The following ZNF277 variants were observed in gnomAD, a reference collection of about 807,000 sequenced individuals.
ZNF277 encodes the protein zinc finger protein 277.
A neutral mutation model predicts 60.7 loss-of-function variants in ZNF277; 55 were observed. That is an observed-to-expected ratio of 0.91 (90% CI 0.73 to 1.13). ZNF277 has a LOEUF of 1.13. Among genes scored for constraint, ZNF277 ranks in the 50% most tolerant of loss-of-function variants. The pLI, the probability that ZNF277 is intolerant of heterozygous loss-of-function variation, is 0.00. For synonymous variants in ZNF277, 178 were observed against 179.3 expected (o/e 0.99, Z 0.06); for missense variants, 510 against 523.0 (o/e 0.98, Z 0.24).
At chr7:112,268,018 T>C (rs1306883140) in intron 1 of ZNF277, among the ~76,000 whole-genome samples, 1 of 152,184 alleles carries the variant, frequency 6.6e-6, no homozygotes, top group African/African-American at 2.4e-5. Context: ...TGTGTGCCTA[T>C]TCTAGAAAGT....
intron 1 of ZNF277, among the ~76,000 whole-genome samples, chr7:112,248,083 T>C (rs184144971): frequency 6.6e-6 from 1 of 152,288 alleles, no homozygotes; most frequent in Admixed American, 6.5e-5. Flanking sequence ...GTAAATGATG[T>C]AGAAGTTTAA....
intron 7 of ZNF277, 143 bp downstream of exon 7, chr7:112,330,359 G>A (rs1793198311): frequency 1.3e-6 from 1 of 744,106 alleles, no homozygotes. Flanking sequence ...GATTAGCTTT[G>A]AAATGGTTAG....
chr7:112,206,919 G>T, intron 1 of ZNF277, 112 bp downstream of exon 1: 4 of 1,038,420 alleles, frequency 3.9e-6, no homozygotes, highest in Non-Finnish European at 5.4e-6. Flanking sequence ...GGGCCACCTG[G>T]GTTCGACTGG....
intron 1 of ZNF277, among the ~76,000 whole-genome samples, chr7:112,273,283 A>G (rs1056136299): frequency 5.9e-5 from 9 of 152,126 alleles, no homozygotes; most frequent in Non-Finnish European, 8.8e-5. Context: ...TGCTCTCTCC[A>G]TGTGCACCTG....
At chr7:112,274,764 C>T (rs1791755348) in intron 1 of ZNF277, among the ~76,000 whole-genome samples, 1 of 152,122 alleles carries the variant, frequency 6.6e-6, no homozygotes, top group African/African-American at 2.4e-5. Flanking sequence ...AATACTCTGT[C>T]ATATCAAATG....
chr7:112,273,360 C>T (rs111805360), intron 1 of ZNF277, among the ~76,000 whole-genome samples: 67 of 152,270 alleles, frequency 4.4e-4, no homozygotes, highest in Non-Finnish European at 9.1e-4. Context: ...CAAAGTCGCA[C>T]AATCACTGCA....
intron 1 of ZNF277, among the ~76,000 whole-genome samples, chr7:112,251,371 T>C (rs1791196854): frequency 6.6e-6 from 1 of 152,220 alleles, no homozygotes; most frequent in African/African-American, 2.4e-5. Context: ...TTTTATATAA[T>C]GGGATTTTAT....
chr7:112,343,498 G>C lies in ZNF277; in HGVS notation c.*769G>C, dbSNP rs1466293211. Among the ~76,000 whole-genome samples, 2 of 152,090 alleles carry C rather than the reference G, an allele frequency of 1.3e-5. No individual in the cohort carries two copies. The highest frequency in any genetic ancestry group is 2.9e-5 in the Non-Finnish European group (2 of 68,022). On this transcript the variant is annotated 3_prime_UTR_variant, in exon 12 of 12. Coordinates refer to ENST00000361822, the MANE Select transcript of ZNF277 (RefSeq NM_021994.3). ...TTTTCCCACTTGTCTCAAAATGTAT[G>C]TTTACAATATTATCAGTTTCATTAC...
intron 1 of ZNF277, among the ~76,000 whole-genome samples, chr7:112,243,886 A>T (rs1353045988): frequency 6.6e-6 from 1 of 152,124 alleles, no homozygotes; most frequent in Non-Finnish European, 1.5e-5. Context: ...ATAGCAAAGC[A>T]TTGGAATAAA....
At chr7:112,210,979 G>A (rs1402908418) in intron 1 of ZNF277, among the ~76,000 whole-genome samples, 1 of 152,190 alleles carries the variant, frequency 6.6e-6, no homozygotes, top group Non-Finnish European at 1.5e-5. Context: ...TTGTGACTGA[G>A]GCTATTTCTT....
At chr7:112,297,384 A>C (rs945676587) in intron 4 of ZNF277, among the ~76,000 whole-genome samples, 9 of 152,016 alleles carry the variant, frequency 5.9e-5, no homozygotes, top group Non-Finnish European at 1.3e-4. Context: ...TCTTTCTTTT[A>C]TCTTTGGACT....
chr7:112,248,196 T>G (rs1313983461), intron 1 of ZNF277, among the ~76,000 whole-genome samples: 1 of 152,018 alleles, frequency 6.6e-6, no homozygotes. Context: ...TTTAATGTAT[T>G]TCCAAGATGA....
chr7:112,315,966 A>G (rs1792835905), intron 4 of ZNF277, among the ~76,000 whole-genome samples: 1 of 152,128 alleles, frequency 6.6e-6, no homozygotes, highest in African/African-American at 2.4e-5. Flanking sequence ...CTAAATAAGA[A>G]GGTCATTGTT....
intron 1 of ZNF277, among the ~76,000 whole-genome samples, chr7:112,235,849 C>G (rs745698168): frequency 1.3e-5 from 2 of 151,820 alleles, no homozygotes; most frequent in Non-Finnish European, 2.9e-5. Context: ...AAAGCTCTGC[C>G]TAATCCAAGG....
rs67934905 is a variant in ZNF277 at position 112,232,042 on chromosome 7, C to CATATATAT, written c.91+25270_91+25277dup. On this transcript the variant is annotated intron_variant, in intron 1 of 11. Transcript: ENST00000361822. ...GAACTGCCCCTAAAATAAATAAATA[C>CATATATAT]ATATATATATATATATATATATATA... Among the ~76,000 whole-genome samples the CATATATAT allele has an allele frequency of 4.2e-3, 564 of 132,956 alleles. 9 individuals are homozygous for CATATATAT. Among genetic ancestry groups the CATATATAT allele is most frequent in the African/African-American group, 0.011 (336 of 31,288 alleles). The allele number at this position is 132,956 out of a possible 152,430, so 87.2% of individuals were successfully genotyped here.
Position 112,343,565 on chromosome 7 carries a change from G to A in ZNF277, c.*836G>A, listed in dbSNP as rs1489588236. ...CCTCCTGATAAGATGTACTGAGGAG[G>A]ACAGAATATCACTTTTGTAGATTTA... On this transcript the variant is annotated 3_prime_UTR_variant, in exon 12 of 12. Coordinates refer to ENST00000361822, the MANE Select transcript of ZNF277 (RefSeq NM_021994.3). Among the ~76,000 whole-genome samples the A allele has an allele frequency of 6.6e-6, 1 of 152,096 alleles. No homozygotes were observed. Among genetic ancestry groups the A allele is most frequent in the African/African-American group, 2.4e-5 (1 of 41,404 alleles).
At chr7:112,228,806 A>G (rs553411956) in intron 1 of ZNF277, among the ~76,000 whole-genome samples, 69 of 152,260 alleles carry the variant, frequency 4.5e-4, no homozygotes, top group Middle Eastern at 3.4e-3. Flanking sequence ...TCGAGAGCAT[A>G]GTGGGGTACA....
At chr7:112,299,789 AGGATCTCAACT>A (rs1792433214) in intron 4 of ZNF277, among the ~76,000 whole-genome samples, 2 of 152,194 alleles carry the variant, frequency 1.3e-5, no homozygotes, top group African/African-American at 4.8e-5. Flanking sequence ...TCTCAACTTG[AGGATCTCAACT>A]CAAGTCCACG....
intron 1 of ZNF277, among the ~76,000 whole-genome samples, chr7:112,241,643 A>T (rs1790957454): frequency 6.6e-6 from 1 of 152,170 alleles, no homozygotes; most frequent in African/African-American, 2.4e-5. Context: ...AAAGTGTGAT[A>T]CATATACACA....
Sources: gnomAD v4.1 joint callset for allele counts (sites outside exome capture counted in the v4.1 genomes callset) on GRCh38, gnomAD v4.1.1 for gene constraint, MANE v1.5 for transcripts, NCBI Gene and HGNC (gene_info 2026-07-23, HGNC 2026-07-21) for gene names.